Variants in IFT27 observed in about 807,000 individuals in gnomAD.
IFT27 encodes intraflagellar transport protein 27 homolog.
A neutral mutation model predicts 23.9 loss-of-function variants in IFT27; 19 were observed. The ratio of observed to expected loss-of-function variants is 0.79; its 90% CI spans 0.55 to 1.16. The LOEUF is 1.16. Ranked by LOEUF, IFT27 falls within the 50% of genes most tolerant of loss-of-function variation. The pLI is 0.00. For missense variants in IFT27, 206 were observed against 228.7 expected (o/e 0.90, Z 0.64); for synonymous variants, 91 against 89.1 (o/e 1.02, Z -0.12).
chr22:36,767,170 T>A, intron 3 of IFT27, 136 bp downstream of exon 3: 2 of 639,382 alleles, frequency 3.1e-6, no homozygotes, highest in Middle Eastern at 2.6e-4. Context: ...TGCTTCCCGA[T>A]TCTATTCCGA....
intron 4 of IFT27, 151 bp from the exon 5 acceptor site, chr22:36,764,187 C>T: frequency 3.0e-6 from 2 of 669,648 alleles, no homozygotes; most frequent in Non-Finnish European, 5.4e-6. Flanking sequence ...CCAACAATTT[C>T]CCCAAAGGAA....
chr22:36,759,171 G>C (rs1291813404), intron 6 of IFT27: 1 of 152,242 alleles, frequency 6.6e-6, no homozygotes, highest in Non-Finnish European at 1.5e-5. Context: ...GCATCTCAGA[G>C]GCGCCCATGG....
chr22:36,770,438 G>A (rs750359271), intron 1 of IFT27, among the ~76,000 whole-genome samples: 32 of 152,130 alleles, frequency 2.1e-4, no homozygotes, highest in Admixed American at 6.5e-4. Flanking sequence ...AGTCCACTCC[G>A]TCCCACTGAC....
intron 1 of IFT27, among the ~76,000 whole-genome samples, chr22:36,774,987 G>A (rs886381028): frequency 5.9e-5 from 9 of 152,184 alleles, no homozygotes; most frequent in Admixed American, 5.9e-4. Context: ...GATACAAGGG[G>A]TACACTACAA....
At chr22:36,770,649 C>T (rs553453569) in intron 1 of IFT27, among the ~76,000 whole-genome samples, 2 of 152,278 alleles carry the variant, frequency 1.3e-5, no homozygotes, top group East Asian at 1.9e-4. Flanking sequence ...GTGTTTTCAT[C>T]GTCCCCAGAT....
chr22:36,772,135 C>T (rs778175197), intron 1 of IFT27, among the ~76,000 whole-genome samples: 4 of 152,226 alleles, frequency 2.6e-5, no homozygotes, highest in Non-Finnish European at 5.9e-5. Context: ...CCATCTCTCC[C>T]TCCTTCATCT....
At chr22:36,760,928 T>A (rs1938073404) in intron 6 of IFT27, 1 of 167,130 alleles carries the variant, frequency 6.0e-6, no homozygotes, top group Admixed American at 6.5e-5. Flanking sequence ...CACTGCGGTG[T>A]TTAGGCAGAA....
intron 6 of IFT27, chr22:36,761,202 T>C (rs1938082259): frequency 6.6e-6 from 1 of 152,176 alleles, no homozygotes; most frequent in Non-Finnish European, 1.5e-5. Flanking sequence ...ACTCCTGTTT[T>C]GGAGGTTGGG....
chr22:36,767,775 C>T lies in IFT27; in HGVS notation c.114+8G>A, dbSNP rs759640345. Reference sequence around the variant, plus strand: ...AAGCTGTGGCCAGGTCTTGACACCCCAGCTCACCAGGGTGTAGCTTTTCTG... The same window carrying T: ...AAGCTGTGGCCAGGTCTTGACACCCTAGCTCACCAGGGTGTAGCTTTTCTG... On this transcript the variant is annotated splice_region_variant and intron_variant, in intron 2 of 6. Transcript: ENST00000433985. The T allele has an allele frequency of 8.7e-6, 14 of 1,611,366 alleles. No homozygotes were observed. The Middle Eastern group carries it at 4.9e-4, about 57-fold the overall frequency.
chr22:36,763,379 T>A, intron 5 of IFT27: 1 of 264,668 alleles, frequency 3.8e-6, no homozygotes, highest in South Asian at 6.1e-5. Context: ...TCATTAATAG[T>A]AATCTAAGGA....
chr22:36,763,273 T>C (rs1938147104), intron 5 of IFT27: 3 of 388,652 alleles, frequency 7.7e-6, no homozygotes, highest in African/African-American at 2.1e-5. Flanking sequence ...CTGTCTCCCT[T>C]GCCTCCTTAA....
rs138939121 is a variant in IFT27, at chr22:36,768,443, T to C, written c.35-581A>G. 1.7e-4 allele frequency: 38 copies of C among 220,948 alleles called. No individual in the cohort carries two copies. In the East Asian group the frequency reaches 4.1e-3, roughly 24 times the overall value. 13.7% of individuals were successfully genotyped at this position (220,948 alleles called of 1,614,324 possible). A position where few individuals can be genotyped will look rare whatever the true frequency, so the allele number is the denominator to read the frequency against. The stretch of plus-strand genomic sequence containing the variant: ...CTCCATCTCCATCGCAGAATACCTG[T>C]CTGTGACCCAAGGATTCTTCTTCCC... On this transcript the variant is annotated intron_variant, in intron 1 of 6. Transcript: ENST00000433985.
intron 4 of IFT27, among the ~76,000 whole-genome samples, chr22:36,765,931 G>A (rs1938236915): frequency 6.6e-6 from 1 of 152,250 alleles, no homozygotes; most frequent in South Asian, 2.1e-4. Context: ...GCACCCCAGA[G>A]CTGGGGCCCG....
In IFT27 at chr22:36,776,089, T is replaced by C. The variant is rs1003798829; in HGVS notation, c.-382A>G. On this transcript the variant is annotated 5_prime_UTR_variant, in exon 1 of 7. Transcript: ENST00000433985. ...CTCCGATCACAAGTACCGGGCCGGA[T>C]GCACTCTCCAAGCAACCATAGCCCA... The C allele has an allele frequency of 1.4e-5, 4 of 284,556 alleles. No homozygotes were observed. The highest frequency in any genetic ancestry group is 4.4e-5 in the Admixed American group (1 of 22,590). The allele number at this position is 284,556 out of a possible 1,614,324, so 17.6% of individuals were successfully genotyped here.
At chr22:36,766,220 A>G in intron 3 of IFT27, 23 bp from the exon 4 acceptor site, 1 of 1,610,944 alleles carries the variant, frequency 6.2e-7, no homozygotes, top group Non-Finnish European at 8.5e-7. Context: ...AAGCAAGAAA[A>G]GTCTCCACGT....
At chr22:36,765,747 C>T (rs766679470) in intron 4 of IFT27, among the ~76,000 whole-genome samples, 2 of 152,158 alleles carry the variant, frequency 1.3e-5, no homozygotes, top group South Asian at 2.1e-4. Flanking sequence ...AAGTGAGCCT[C>T]GTTATAGGCT....
chr22:36,758,453 G>T, intron 6 of IFT27, 44 bp from the exon 7 acceptor site: 1 of 1,438,986 alleles, frequency 6.9e-7, no homozygotes, highest in Non-Finnish European at 9.8e-7. Flanking sequence ...TTTTAGAAGG[G>T]TCAGAGGGCC....
At chr22:36,774,768 C>T (rs983071084) in intron 1 of IFT27, among the ~76,000 whole-genome samples, 2 of 151,568 alleles carry the variant, frequency 1.3e-5, no homozygotes, top group African/African-American at 2.4e-5. Flanking sequence ...GCCGAGATTG[C>T]GCCACTGCCC....
At chr22:36,758,534 G>C (rs1323958806) in intron 6 of IFT27, 125 bp from the exon 7 acceptor site, 6 of 706,528 alleles carry the variant, frequency 8.5e-6, no homozygotes, top group African/African-American at 1.8e-5. Context: ...CACGCCCTTC[G>C]AGGTAGCCAC....
Sources: allele counts gnomAD v4.1 joint callset (sites outside exome capture counted in the v4.1 genomes callset), GRCh38; gene constraint gnomAD v4.1.1; transcripts MANE v1.5; gene names NCBI Gene and HGNC (gene_info 2026-07-23, HGNC 2026-07-21).